Variants in CSMD3 observed in about 807,000 individuals in gnomAD.
CSMD3 encodes the protein CUB and sushi domain-containing protein 3.
In CSMD3, 177 loss-of-function variants were observed where a neutral mutation model predicts 435.2. The observed-to-expected ratio is 0.41, with a 90% CI of 0.36 to 0.46. The LOEUF is 0.46. Ranked by LOEUF, CSMD3 falls within the 20% of genes least tolerant of loss-of-function variation. The pLI, the probability that CSMD3 is intolerant of heterozygous loss-of-function variation, is 0.34. For synonymous variants in CSMD3, 1,656 were observed against 1,520.5 expected, an observed-to-expected ratio of 1.09 and a Z score of -2.07; for missense variants, 4,265 against 4,504.6, an observed-to-expected ratio of 0.95 and a Z score of 1.52.
intron 2 of CSMD3, among the ~76,000 whole-genome samples, chr8:113,285,060 G>C (rs1358268131): frequency 6.6e-6 from 1 of 152,132 alleles, no homozygotes; most frequent in East Asian, 1.9e-4. Flanking sequence ...TTTTTTCTAT[G>C]AAGCCAGAAT....
At chr8:112,986,718 GGAAGATATTTCCAGTAA>G (rs1457471651) in intron 6 of CSMD3, among the ~76,000 whole-genome samples, 8 of 151,960 alleles carry the variant, frequency 5.3e-5, no homozygotes, top group African/African-American at 1.9e-4. Flanking sequence ...AAAATTGAAT[GGAAGATATTTCCAGTAA>G]GAACTTATTG....
intron 9 of CSMD3, among the ~76,000 whole-genome samples, chr8:112,932,173 C>T (rs920985792): frequency 1.3e-5 from 2 of 152,148 alleles, no homozygotes; most frequent in Non-Finnish European, 2.9e-5. Flanking sequence ...TTCACAATAG[C>T]TGAGATATGA....
chr8:113,301,514 G>T (rs1223353116), intron 2 of CSMD3, among the ~76,000 whole-genome samples: 1 of 151,764 alleles, frequency 6.6e-6, no homozygotes, highest in Non-Finnish European at 1.5e-5. Flanking sequence ...AAATGAGGTT[G>T]CTGATTAGTT....
At chr8:112,987,998 GA>G (rs1196309546) in intron 6 of CSMD3, among the ~76,000 whole-genome samples, 1 of 152,042 alleles carries the variant, frequency 6.6e-6, no homozygotes, top group Non-Finnish European at 1.5e-5. Context: ...AAGGAAAATA[GA>G]AGGGTCTAGG....
At chr8:112,911,693 GTTAA>G (rs1340184373) in intron 10 of CSMD3, among the ~76,000 whole-genome samples, 61 of 125,178 alleles carry the variant, frequency 4.9e-4, no homozygotes, top group African/African-American at 9.2e-4. Flanking sequence ...TATATATTTA[GTTAA>G]TTGTTATGTA....
intron 3 of CSMD3, among the ~76,000 whole-genome samples, chr8:113,271,385 C>T (rs2093525072): frequency 1.3e-5 from 2 of 151,974 alleles, no homozygotes; most frequent in South Asian, 4.1e-4. Context: ...TGACTGGGCC[C>T]AGGGTCCTCA....
chr8:113,011,464 CT>C (rs892191868), intron 6 of CSMD3, among the ~76,000 whole-genome samples: 38 of 151,666 alleles, frequency 2.5e-4, no homozygotes, highest in Non-Finnish European at 5.9e-5. Context: ...TATTTAGCCA[CT>C]TTTCTATCAA....
chr8:112,438,369 G>A (rs1011615072), intron 32 of CSMD3, among the ~76,000 whole-genome samples: 2 of 152,086 alleles, frequency 1.3e-5, no homozygotes, highest in Non-Finnish European at 2.9e-5. Flanking sequence ...GAATTCTGCT[G>A]GAGTCACTAA....
intron 45 of CSMD3, among the ~76,000 whole-genome samples, chr8:112,320,496 CT>C (rs939467210): frequency 4.6e-5 from 7 of 151,544 alleles, no homozygotes; most frequent in South Asian, 2.1e-4. Context: ...TGCCCCCATT[CT>C]TTTTTTTTAT....
chr8:112,882,759 A>G (rs2081483317), intron 10 of CSMD3, among the ~76,000 whole-genome samples: 1 of 152,012 alleles, frequency 6.6e-6, no homozygotes, highest in African/African-American at 2.4e-5. Flanking sequence ...GGCAAAAGAA[A>G]ATGAATCCAT....
intron 1 of CSMD3, among the ~76,000 whole-genome samples, chr8:113,389,508 GC>G (rs2094452926): frequency 6.6e-6 from 1 of 151,622 alleles, no homozygotes; most frequent in Admixed American, 6.6e-5. Flanking sequence ...ATTGACCTAA[GC>G]ATTTCTATGC....
Position 112,292,585 on chromosome 8 carries a change from G to C in CSMD3, c.8740C>G (p.Gln2914Glu), listed in dbSNP as rs2130688595. The change falls in exon 55 of 71, where the codon CAG (glutamine) becomes GAG (glutamate). Residue 2914 changes from glutamine to glutamate, a missense_variant. This residue lies in a region of CSMD3 where 3,255 missense variants were observed against 3,380.2 expected (regional missense o/e 0.96). Transcript: ENST00000297405. ...CTCCACTGTCTGTTGGCCTGGCACT[G>C]TGCCTTTGTTGGCCCTTGCATAAGA... Reference protein sequence around the residue: ...GYLMQGPTKAQCQANRQWSHP... With the variant: ...GYLMQGPTKAECQANRQWSHP... The C allele has an allele frequency of 6.2e-7, 1 of 1,613,786 alleles. No individual in the cohort carries two copies. The highest frequency in any genetic ancestry group is 8.5e-7 in the Non-Finnish European group (1 of 1,179,776).
rs184942237 is a variant in CSMD3, at chr8:112,958,627, T to C, written c.1343-3866A>G. On this transcript the variant is annotated intron_variant, in intron 7 of 70. Coordinates refer to ENST00000297405, the MANE Select transcript of CSMD3 (RefSeq NM_198123.2). ...TTGATTGACTCTTACTTAAACCTCA[T>C]CTAATTTTCATGTTAATCAGCTAAA... 7.9e-4 allele frequency among the ~76,000 whole-genome samples: 120 copies of C among 152,324 alleles called. 1 individual carries two copies. Among genetic ancestry groups the C allele is most frequent in the African/African-American group, 2.7e-3 (112 of 41,578 alleles).
At chr8:113,223,622 C>CAT (rs3048833) in intron 3 of CSMD3, among the ~76,000 whole-genome samples, 22,349 of 146,008 alleles carry the variant, frequency 0.15, 1,848 homozygotes, top group Middle Eastern at 0.21. Context: ...GTCAAGTATA[C>CAT]ATATATATAT....
chr8:112,271,663 G>T (rs1817545349), intron 59 of CSMD3, among the ~76,000 whole-genome samples: 1 of 152,036 alleles, frequency 6.6e-6, no homozygotes, highest in Admixed American at 6.6e-5. Flanking sequence ...ATTTGAATGT[G>T]AAATAAAAAG....
At chr8:113,096,167 C>T (rs2131534510) in intron 5 of CSMD3, among the ~76,000 whole-genome samples, 1 of 152,136 alleles carries the variant, frequency 6.6e-6, no homozygotes, top group East Asian at 1.9e-4. Flanking sequence ...TCCAACTGTC[C>T]CCTTGAAATC....
intron 17 of CSMD3, 145 bp from the exon 18 acceptor site, chr8:112,656,486 TC>T: frequency 1.7e-6 from 1 of 575,076 alleles, no homozygotes; most frequent in Non-Finnish European, 3.0e-6. Flanking sequence ...ATCTAAGATA[TC>T]ATTTAAGACA....
intron 12 of CSMD3, among the ~76,000 whole-genome samples, chr8:112,800,946 T>C (rs187477077): frequency 8.4e-4 from 128 of 152,136 alleles, no homozygotes; most frequent in Non-Finnish European, 1.3e-3. Context: ...ATCAATGATA[T>C]TGTAATTGCA....
At chr8:112,573,452 A>G in intron 24 of CSMD3, 49 bp downstream of exon 24, 2 of 1,397,448 alleles carry the variant, frequency 1.4e-6, no homozygotes, top group South Asian at 1.2e-5. Flanking sequence ...TATTTAATAT[A>G]CATGCAGCAC....
Sources: allele counts gnomAD v4.1 joint callset (sites outside exome capture counted in the v4.1 genomes callset), GRCh38; gene constraint gnomAD v4.1.1; regional missense constraint gnomAD v4.1.1; transcripts MANE v1.5; gene names NCBI Gene and HGNC (gene_info 2026-07-23, HGNC 2026-07-21).